ACACA: variants seen among roughly 807,000 people sequenced by gnomAD.
ACACA encodes acetyl-CoA carboxylase alpha, also known as acetyl-CoA carboxylase 1.
A neutral mutation model predicts 296.1 loss-of-function variants in ACACA; 103 were observed. The ratio of observed to expected loss-of-function variants is 0.35; its 90% CI spans 0.30 to 0.41. The LOEUF (loss-of-function observed/expected upper bound fraction) is 0.41, where lower values mean the gene tolerates loss of function less well. ACACA is among the 10% of genes least tolerant of loss of function. The probability of loss-of-function intolerance (pLI) is 1.00; values close to 1 mark genes in which losing one functional copy is unlikely to be tolerated. For missense variants in ACACA, 1,554 were observed against 2,989.7 expected (o/e 0.52, Z 11.20); for synonymous variants, 953 against 1,038.6 (o/e 0.92, Z 1.58).
chr17:37,339,307 G>A (rs948682504), intron 2 of ACACA, among the ~76,000 whole-genome samples: 9 of 152,150 alleles, frequency 5.9e-5, no homozygotes, highest in Non-Finnish European at 1.2e-4. Context: ...GACTCCATGG[G>A]AGAAGAAAAA....
chr17:37,282,126 G>C (rs1285522048), intron 5 of ACACA, among the ~76,000 whole-genome samples: 1 of 152,234 alleles, frequency 6.6e-6, no homozygotes, highest in Non-Finnish European at 1.5e-5. Context: ...TTTGGATCAT[G>C]AGGGCAGCTC....
intron 1 of ACACA, among the ~76,000 whole-genome samples, chr17:37,362,434 T>G (rs2147616294): frequency 6.6e-6 from 1 of 152,306 alleles, no homozygotes; most frequent in Admixed American, 6.5e-5. Context: ...TATAGTCTAT[T>G]TAAGAAGACA....
intron 52 of ACACA, among the ~76,000 whole-genome samples, chr17:37,102,522 A>G (rs1334806305): frequency 6.6e-6 from 1 of 152,186 alleles, no homozygotes; most frequent in Non-Finnish European, 1.5e-5. Context: ...CTTAAGTGGC[A>G]AAGTCAGGAT....
At chr17:37,270,906 C>T in intron 9 of ACACA, 45 bp from the exon 10 acceptor site, 1 of 1,489,062 alleles carries the variant, frequency 6.7e-7, no homozygotes, top group Non-Finnish European at 9.3e-7. Context: ...AGTGTTATTA[C>T]CAGGGAAGGA....
chr17:37,175,850 C>T (rs186524982), intron 41 of ACACA, among the ~76,000 whole-genome samples: 1 of 152,154 alleles, frequency 6.6e-6, no homozygotes, highest in Admixed American at 6.5e-5. Flanking sequence ...CCTTTAGTTA[C>T]ATCTTTCTTT....
intron 48 of ACACA, among the ~76,000 whole-genome samples, chr17:37,123,389 C>T (rs193020325): frequency 6.8e-4 from 104 of 152,278 alleles, no homozygotes; most frequent in South Asian, 1.0e-3. Context: ...GCACCTTATA[C>T]TCCACTATGA....
At chr17:37,351,137 CAA>C (rs1491310706) in intron 1 of ACACA, among the ~76,000 whole-genome samples, 1 of 151,724 alleles carries the variant, frequency 6.6e-6, no homozygotes, top group Non-Finnish European at 1.5e-5. Flanking sequence ...AAGATTGTCT[CAA>C]AAATAAAATA....
At chr17:37,141,588 G>A (rs1335463633) in intron 45 of ACACA, among the ~76,000 whole-genome samples, 2 of 152,140 alleles carry the variant, frequency 1.3e-5, no homozygotes, top group Non-Finnish European at 2.9e-5. Context: ...AATGGGAAAT[G>A]TATTATGCCT....
chr17:37,388,264 T>A (rs1210407082), intron 1 of ACACA, among the ~76,000 whole-genome samples: 1 of 152,158 alleles, frequency 6.6e-6, no homozygotes, highest in Non-Finnish European at 1.5e-5. Context: ...AGGAGAAACA[T>A]AGGAAAGGCG....
intron 39 of ACACA, among the ~76,000 whole-genome samples, chr17:37,182,677 G>C (rs1027557752): frequency 1.3e-5 from 2 of 152,138 alleles, no homozygotes; most frequent in Non-Finnish European, 2.9e-5. Context: ...ATGGAGATTG[G>C]GATGTAAGGG....
intron 24 of ACACA, among the ~76,000 whole-genome samples, chr17:37,236,330 T>C (rs959787990): frequency 1.3e-5 from 2 of 152,212 alleles, no homozygotes; most frequent in African/African-American, 4.8e-5. Flanking sequence ...AAATTAGCTG[T>C]TCTGCATTAA....
chr17:37,106,163 AT>A (rs2073674738), intron 52 of ACACA, among the ~76,000 whole-genome samples: 1 of 150,230 alleles, frequency 6.7e-6, no homozygotes, highest in Admixed American at 6.7e-5. Context: ...AAAAAAAAAA[AT>A]CCTGCAAAAC....
At chr17:37,289,260 T>C (rs1472546586) in intron 3 of ACACA, among the ~76,000 whole-genome samples, 7 of 145,930 alleles carry the variant, frequency 4.8e-5, no homozygotes, top group Non-Finnish European at 3.0e-5. Context: ...AGACTCCATC[T>C]CAAAAAAAAA....
intron 45 of ACACA, chr17:37,140,608 CTG>C (rs1444282465): frequency 6.2e-6 from 1 of 162,134 alleles, no homozygotes; most frequent in African/African-American, 2.4e-5. Context: ...TGTAAAAACT[CTG>C]TGTTGTAGCC....
intron 1 of ACACA, chr17:37,388,906 G>A: frequency 2.2e-6 from 3 of 1,371,950 alleles, no homozygotes; most frequent in South Asian, 2.7e-5. Context: ...TTGAGGAGAT[G>A]TGCCACTCAC....
chr17:37,175,318 C>A (rs1567764808), intron 41 of ACACA, among the ~76,000 whole-genome samples: 1 of 152,228 alleles, frequency 6.6e-6, no homozygotes, highest in Non-Finnish European at 1.5e-5. Context: ...TTGATCTTAG[C>A]CTGAGCTTTT....
intron 1 of ACACA, chr17:37,386,104 G>T: frequency 6.3e-7 from 1 of 1,586,422 alleles, no homozygotes; most frequent in Non-Finnish European, 8.6e-7. Flanking sequence ...GAATAAAGAA[G>T]GAGAGAAAAC....
intron 3 of ACACA, among the ~76,000 whole-genome samples, chr17:37,314,939 G>A (rs116467581): frequency 0.012 from 1,784 of 146,410 alleles, 40 homozygotes; most frequent in African/African-American, 0.041. Context: ...TACCGCACCC[G>A]GCCAGGAATG....
rs533566544 is a variant in ACACA at position 37,200,946 on chromosome 17, A to G, written c.4057-463T>C. ...ACTGTTTAGATTGTAGATGTTACCT[A>G]CCATCAGATACAGCATCCCTAGAAT... On this transcript the variant is annotated intron_variant, in intron 33 of 55. Coordinates refer to ENST00000616317, the MANE Select transcript of ACACA (RefSeq NM_198834.3). Among the ~76,000 whole-genome samples the G allele has an allele frequency of 2.6e-4, 40 of 152,354 alleles. No individual in the cohort carries two copies. In the South Asian group the frequency reaches 8.3e-3, roughly 32 times the overall value.
Sources: gnomAD v4.1 joint callset for allele counts (sites outside exome capture counted in the v4.1 genomes callset) on GRCh38, gnomAD v4.1.1 for gene constraint, MANE v1.5 for transcripts, NCBI Gene and HGNC (gene_info 2026-07-23, HGNC 2026-07-21) for gene names.